TPD52: variants seen among roughly 807,000 people sequenced by gnomAD.
The protein encoded by TPD52 is prostate and colon associated protein.
In TPD52, 17 loss-of-function variants were observed where a neutral mutation model predicts 31.3. The observed-to-expected ratio is 0.54, with a 90% CI of 0.37 to 0.82. The LOEUF is 0.82. TPD52 is among the 40% of genes least tolerant of loss of function. The pLI, the probability that TPD52 is intolerant of heterozygous loss-of-function variation, is 0.00. For synonymous variants in TPD52, 83 were observed against 89.6 expected, an observed-to-expected ratio of 0.93 and a Z score of 0.42; for missense variants, 212 against 240.1, an observed-to-expected ratio of 0.88 and a Z score of 0.77.
intron 2 of TPD52, among the ~76,000 whole-genome samples, chr8:80,060,682 T>C (rs183128505): frequency 1.2e-4 from 19 of 152,102 alleles, no homozygotes; most frequent in Admixed American, 9.2e-4. Context: ...CAACCAGTGT[T>C]ATATACCACA....
intron 1 of TPD52, among the ~76,000 whole-genome samples, chr8:80,070,274 A>G (rs1292367853): frequency 1.3e-5 from 2 of 152,152 alleles, no homozygotes; most frequent in East Asian, 1.9e-4. Flanking sequence ...TTTTATTCCA[A>G]TTATGACCAA....
At chr8:80,155,137 A>G (rs749474241) in intron 1 of TPD52, among the ~76,000 whole-genome samples, 1 of 151,966 alleles carries the variant, frequency 6.6e-6, no homozygotes, top group Non-Finnish European at 1.5e-5. Flanking sequence ...AGCTAGGATT[A>G]CAGGCATAAA....
chr8:80,094,435 TATATATATATATATATATA>T (rs1816542416), intron 1 of TPD52, among the ~76,000 whole-genome samples: 1 of 9,748 alleles, frequency 1.0e-4, no homozygotes, highest in African/African-American at 4.9e-4. Flanking sequence ...AAATTTTATA[TATATATATATATATATATA>T]TATATATATA....
chr8:80,071,651 T>C (rs1813802290), intron 1 of TPD52, among the ~76,000 whole-genome samples: 1 of 152,088 alleles, frequency 6.6e-6, no homozygotes, highest in African/African-American at 2.4e-5. Flanking sequence ...ACGTCATGGC[T>C]CCATCTCACT....
intron 6 of TPD52, 148 bp downstream of exon 6, chr8:80,044,019 A>G (rs896463679): frequency 1.6e-6 from 1 of 616,960 alleles, no homozygotes. Flanking sequence ...CATCAGAGGA[A>G]GTGTAGCTGA....
At chr8:80,136,196 A>G (rs1457791006) in intron 1 of TPD52, among the ~76,000 whole-genome samples, 1 of 149,226 alleles carries the variant, frequency 6.7e-6, no homozygotes, top group Non-Finnish European at 1.5e-5. Context: ...AAAAACAAGC[A>G]CACTCACACA....
chr8:80,134,333 G>C, intron 1 of TPD52, among the ~76,000 whole-genome samples: 1 of 152,180 alleles, frequency 6.6e-6, no homozygotes, highest in Non-Finnish European at 1.5e-5. Context: ...ACCTTTACAA[G>C]AGGAAAATGG....
chr8:80,170,600 T>C (rs1812013432), intron 1 of TPD52, among the ~76,000 whole-genome samples: 2 of 152,326 alleles, frequency 1.3e-5, no homozygotes, highest in African/African-American at 2.4e-5. Context: ...CAAGATTACC[T>C]ACCTTGTTTT....
intron 1 of TPD52, among the ~76,000 whole-genome samples, chr8:80,152,730 G>A (rs1050284231): frequency 3.0e-5 from 4 of 134,550 alleles, no homozygotes; most frequent in African/African-American, 8.7e-5. Context: ...TGTAGTAGCC[G>A]AGATTGCGCC....
At chr8:80,099,092 T>A (rs1360347921) in intron 1 of TPD52, among the ~76,000 whole-genome samples, 1 of 152,186 alleles carries the variant, frequency 6.6e-6, no homozygotes, top group Non-Finnish European at 1.5e-5. Flanking sequence ...CTATTGTGCA[T>A]TTAAAAGACT....
intron 1 of TPD52, among the ~76,000 whole-genome samples, chr8:80,140,607 G>A (rs947344263): frequency 3.3e-5 from 5 of 152,056 alleles, no homozygotes; most frequent in African/African-American, 1.2e-4. Flanking sequence ...CCAGAGTGCA[G>A]GACACTCACT....
At chr8:80,051,681 T>C (rs1811403946) in intron 3 of TPD52, 53 bp from the exon 4 acceptor site, 1 of 1,420,764 alleles carries the variant, frequency 7.0e-7, no homozygotes, top group African/African-American at 1.5e-5. Context: ...TCATCTTTTC[T>C]AATATCAATT....
At chr8:80,151,634 G>A (rs901133962) in intron 1 of TPD52, among the ~76,000 whole-genome samples, 1 of 152,162 alleles carries the variant, frequency 6.6e-6, no homozygotes, top group African/African-American at 2.4e-5. Context: ...TAATAAGAAA[G>A]TCTCTTCTGC....
chr8:80,074,723 G>T (rs1814314235), intron 1 of TPD52, among the ~76,000 whole-genome samples: 1 of 152,236 alleles, frequency 6.6e-6, no homozygotes, highest in Admixed American at 6.5e-5. Context: ...GAGCATCTAA[G>T]AGGATGCTGT....
intron 1 of TPD52, chr8:80,067,166 G>T (rs926582535): frequency 6.6e-6 from 1 of 152,162 alleles, no homozygotes; most frequent in Non-Finnish European, 1.5e-5. Flanking sequence ...CAAGTATGCG[G>T]CTAGGCTATC....
chr8:80,071,843 G>A (rs1401495616), intron 1 of TPD52, among the ~76,000 whole-genome samples: 1 of 151,918 alleles, frequency 6.6e-6, no homozygotes, highest in Non-Finnish European at 1.5e-5. Flanking sequence ...CGCCACTCCC[G>A]TGCCTTAAGT....
At chr8:80,090,563 T>G (rs1470409684) in intron 1 of TPD52, among the ~76,000 whole-genome samples, 1 of 152,206 alleles carries the variant, frequency 6.6e-6, no homozygotes, top group Non-Finnish European at 1.5e-5. Flanking sequence ...TTGGCATTCT[T>G]TTAAAAATAT....
intron 1 of TPD52, among the ~76,000 whole-genome samples, chr8:80,140,879 A>C (rs887913962): frequency 6.6e-6 from 1 of 152,062 alleles, no homozygotes; most frequent in Admixed American, 6.6e-5. Context: ...TAAACTCAAC[A>C]ATCTCAGGAA....
At chr8:80,122,618 T>C (rs905875586) in intron 1 of TPD52, among the ~76,000 whole-genome samples, 2 of 152,064 alleles carry the variant, frequency 1.3e-5, no homozygotes, top group African/African-American at 4.8e-5. Flanking sequence ...AAAAAACACA[T>C]ACAAATACCC....
Sources: allele counts gnomAD v4.1 joint callset (sites outside exome capture counted in the v4.1 genomes callset), GRCh38; gene constraint gnomAD v4.1.1; transcripts MANE v1.5; gene names NCBI Gene and HGNC (gene_info 2026-07-23, HGNC 2026-07-21).